Variants in SRRM4 observed in about 807,000 individuals in gnomAD.
SRRM4 encodes the protein serine/arginine repetitive matrix protein 4.
SRRM4 carries 33 observed loss-of-function variants against 68.9 expected under a neutral mutation model. The ratio of observed to expected loss-of-function variants is 0.48; its 90% confidence interval spans 0.36 to 0.64. The LOEUF (loss-of-function observed/expected upper bound fraction) is 0.64. SRRM4 is among the 30% of genes least tolerant of loss of function. The probability of loss-of-function intolerance (pLI) is 0.00; values close to 1 mark genes in which losing one functional copy is unlikely to be tolerated. For synonymous variants in SRRM4, 318 were observed against 318.8 expected, an observed-to-expected ratio of 1.00 and a Z score of 0.03; for missense variants, 817 against 827.1, an observed-to-expected ratio of 0.99 and a Z score of 0.15.
In SRRM4 at chr12:119,034,772, G is replaced by A. The variant is rs905452319; in HGVS notation, c.131+52759G>A. ...TCTTGCCTTGAATTATTTGCTTGTG[G>A]ACACTTTCGTCCCTGGTTCTTTTGG... On this transcript the variant is annotated intron_variant, in intron 1 of 12. Coordinates refer to ENST00000267260, the MANE Select transcript of SRRM4 (RefSeq NM_194286.4). Among the ~76,000 whole-genome samples the A allele has an allele frequency of 3.4e-4, 51 of 152,220 alleles. 1 individual carries two copies. Among genetic ancestry groups the A allele is most frequent in the Non-Finnish European group, 7.1e-4 (48 of 68,020 alleles).
At chr12:119,156,293 A>AC (rs1954470596) in intron 12 of SRRM4, among the ~76,000 whole-genome samples, 1 of 152,172 alleles carries the variant, frequency 6.6e-6, no homozygotes, top group Non-Finnish European at 1.5e-5. Context: ...TGAGATAATC[A>AC]TTTTTCAAGA....
intron 5 of SRRM4, among the ~76,000 whole-genome samples, chr12:119,121,061 C>T (rs1950554802): frequency 1.3e-5 from 2 of 152,220 alleles, no homozygotes; most frequent in African/African-American, 4.8e-5. Flanking sequence ...GGCCCCATTT[C>T]ACGGTTGAAG....
At chr12:119,031,375 T>G (rs149517041) in intron 1 of SRRM4, 8 of 152,288 alleles carry the variant, frequency 5.3e-5, no homozygotes, top group Admixed American at 5.2e-4. Context: ...CTTACGTAAC[T>G]TAACTAAGAC....
At chr12:119,082,413 AC>A (rs952629135) in intron 1 of SRRM4, among the ~76,000 whole-genome samples, 8 of 152,152 alleles carry the variant, frequency 5.3e-5, no homozygotes, top group African/African-American at 1.9e-4. Flanking sequence ...TTGGCAGAAA[AC>A]CTTTGATTGA....
At chr12:119,112,064 A>T (rs1200640030) in intron 2 of SRRM4, among the ~76,000 whole-genome samples, 4 of 152,110 alleles carry the variant, frequency 2.6e-5, no homozygotes, top group African/African-American at 9.7e-5. Flanking sequence ...GAAAAAAAAA[A>T]AGAATTTGGA....
chr12:119,156,300 A>G (rs1321590588), intron 12 of SRRM4, among the ~76,000 whole-genome samples, 195 bp from the exon 13 acceptor site: 1 of 152,224 alleles, frequency 6.6e-6, no homozygotes, highest in African/African-American at 2.4e-5. Flanking sequence ...ATCATTTTTC[A>G]AGACATACTA....
At chr12:119,144,221 G>A (rs1228103626) in intron 8 of SRRM4, among the ~76,000 whole-genome samples, 1 of 151,770 alleles carries the variant, frequency 6.6e-6, no homozygotes, top group African/African-American at 2.4e-5. Flanking sequence ...CCTCCCTCGT[G>A]CCCCCTCAAT....
At chr12:119,060,024 C>G (rs1017420281) in intron 1 of SRRM4, among the ~76,000 whole-genome samples, 15 of 152,004 alleles carry the variant, frequency 9.9e-5, no homozygotes, top group African/African-American at 3.6e-4. Context: ...AGAGTGAAAG[C>G]CCTAGGGTGG....
intron 2 of SRRM4, among the ~76,000 whole-genome samples, chr12:119,112,401 C>T (rs1376937762): frequency 1.3e-5 from 2 of 152,146 alleles, no homozygotes; most frequent in East Asian, 3.9e-4. Flanking sequence ...TCCTCAAAGA[C>T]CTAGAACCAG....
At chr12:119,018,840 C>G (rs1335234857) in intron 1 of SRRM4, among the ~76,000 whole-genome samples, 4 of 152,042 alleles carry the variant, frequency 2.6e-5, no homozygotes, top group Non-Finnish European at 5.9e-5. Context: ...TAGGGTACCC[C>G]TACTGTCAAG....
intron 8 of SRRM4, among the ~76,000 whole-genome samples, chr12:119,134,205 A>G (rs566485641): frequency 1.3e-5 from 2 of 152,204 alleles, no homozygotes; most frequent in Admixed American, 6.5e-5. Context: ...GAATATGCAA[A>G]TTTGGGGGTT....
intron 1 of SRRM4, among the ~76,000 whole-genome samples, chr12:119,075,683 ATGGTGATG>A (rs1352293598): frequency 4.7e-5 from 7 of 149,698 alleles, no homozygotes; most frequent in Non-Finnish European, 1.0e-4. Context: ...GATGGTGATG[ATGGTGATG>A]ATGAAGATGG....
At chr12:119,064,444 G>T (rs1219221286) in intron 1 of SRRM4, among the ~76,000 whole-genome samples, 1 of 152,138 alleles carries the variant, frequency 6.6e-6, no homozygotes, top group Non-Finnish European at 1.5e-5. Flanking sequence ...GATGGCACTG[G>T]AGTATGAAAA....
intron 1 of SRRM4, among the ~76,000 whole-genome samples, chr12:119,085,100 C>T (rs1953971585): frequency 1.3e-5 from 2 of 152,118 alleles, no homozygotes; most frequent in Non-Finnish European, 2.9e-5. Flanking sequence ...GAGGTTTCAC[C>T]ATGTTGGCCA....
intron 1 of SRRM4, among the ~76,000 whole-genome samples, chr12:118,990,797 C>T (rs1226545437): frequency 6.6e-6 from 1 of 152,036 alleles, no homozygotes; most frequent in African/African-American, 2.4e-5. Context: ...AGCCCTCTAT[C>T]ACTTTCTCTT....
chr12:118,982,024 C>A lies in SRRM4; in HGVS notation c.131+11C>A. On this transcript the variant is annotated intron_variant, in intron 1 of 12. Transcript: ENST00000267260. ...CAAGCCGCTGCCAAGGTAATGATCT[C>A]CTTCTTAGAAGGGGGGATCCTGAAG... 6.2e-7 allele frequency: 1 copy of A among 1,603,910 alleles called. No individual in the cohort carries two copies. The highest frequency in any genetic ancestry group is 8.5e-7 in the Non-Finnish European group (1 of 1,175,262).
intron 1 of SRRM4, among the ~76,000 whole-genome samples, chr12:119,056,525 A>G (rs1953777713): frequency 1.3e-5 from 2 of 152,080 alleles, no homozygotes; most frequent in South Asian, 4.2e-4. Flanking sequence ...GGCATTCAAA[A>G]CCTGGTGCCT....
rs575972523 is a variant in SRRM4, at chr12:119,122,652, T to A, written c.515+532T>A. ...TTGTGCCTACACCAATGCATTTGTG[T>A]GTCTGTGCTTGTGTGAGCATGAATG... On this transcript the variant is annotated intron_variant, in intron 6 of 12. Coordinates refer to ENST00000267260, the MANE Select transcript of SRRM4 (RefSeq NM_194286.4). Among the ~76,000 whole-genome samples the A allele has an allele frequency of 3.3e-5, 5 of 152,308 alleles. No homozygotes were observed. In the East Asian group the frequency reaches 7.7e-4, roughly 24 times the overall value.
At chr12:118,988,265 G>A (rs1441849437) in intron 1 of SRRM4, among the ~76,000 whole-genome samples, 1 of 152,154 alleles carries the variant, frequency 6.6e-6, no homozygotes, top group Non-Finnish European at 1.5e-5. Flanking sequence ...ACAAATACAA[G>A]GAATGATCAG....
Sources: gnomAD v4.1 joint callset for allele counts (sites outside exome capture counted in the v4.1 genomes callset) on GRCh38, gnomAD v4.1.1 for gene constraint, MANE v1.5 for transcripts, NCBI Gene and HGNC (gene_info 2026-07-23, HGNC 2026-07-21) for gene names.